Variants in HIP1 observed in about 807,000 individuals in gnomAD.
HIP1 encodes huntingtin interacting protein 1, also known as huntingtin-interacting protein 1.
In HIP1, 65 loss-of-function variants were observed where a neutral mutation model predicts 147.6. The ratio of observed to expected loss-of-function variants is 0.44; its 90% CI spans 0.36 to 0.54. The LOEUF is 0.54. Ranked by LOEUF, HIP1 falls within the 20% of genes least tolerant of loss-of-function variation. The pLI, the probability that HIP1 is intolerant of heterozygous loss-of-function variation, is 0.00. For missense variants in HIP1, 1,061 were observed against 1,299.6 expected, an observed-to-expected ratio of 0.82 and a Z score of 2.82; for synonymous variants, 479 against 504.0, an observed-to-expected ratio of 0.95 and a Z score of 0.67.
At chr7:75,690,126 T>G (rs571248870) in intron 1 of HIP1, among the ~76,000 whole-genome samples, 3 of 152,160 alleles carry the variant, frequency 2.0e-5, no homozygotes, top group Non-Finnish European at 4.4e-5. Flanking sequence ...ATTTTAAAAA[T>G]TAGCTGGGCT....
chr7:75,701,112 C>G (rs1800817119), intron 1 of HIP1, among the ~76,000 whole-genome samples: 1 of 152,120 alleles, frequency 6.6e-6, no homozygotes, highest in Non-Finnish European at 1.5e-5. Context: ...CTACCAAGGT[C>G]AGGCACAGTG....
chr7:75,561,080 G>A (rs976428152), intron 13 of HIP1, among the ~76,000 whole-genome samples: 3 of 151,762 alleles, frequency 2.0e-5, no homozygotes, highest in African/African-American at 7.3e-5. Flanking sequence ...AGCTTCCCGA[G>A]TAGCTGGGAT....
rs1794061904 is a variant in HIP1, at chr7:75,535,808, T to C, written c.*2364A>G. On this transcript the variant is annotated 3_prime_UTR_variant, in exon 31 of 31. Coordinates refer to ENST00000336926, the MANE Select transcript of HIP1 (RefSeq NM_005338.7). Reference sequence around the variant, plus strand: ...CTCACTGCAACCTCTGCCTCTGGGGTTCAGGTGATTCTCCTGTCTCAGCCT... The same window carrying C: ...CTCACTGCAACCTCTGCCTCTGGGGCTCAGGTGATTCTCCTGTCTCAGCCT... The C allele has an allele frequency of 5.9e-6, 1 of 170,724 alleles. No individual in the cohort carries two copies. The highest frequency in any genetic ancestry group is 2.4e-5 in the African/African-American group (1 of 41,932). The allele number at this position is 170,724 out of a possible 1,614,324, so 10.6% of individuals were successfully genotyped here. A position where few individuals can be genotyped will look rare whatever the true frequency, so the allele number is the denominator to read the frequency against.
At chr7:75,728,441 T>C (rs574971000) in intron 1 of HIP1, among the ~76,000 whole-genome samples, 1 of 152,304 alleles carries the variant, frequency 6.6e-6, no homozygotes, top group East Asian at 1.9e-4. Context: ...CTCCAGGTCA[T>C]CAACCCTCCT....
intron 1 of HIP1, among the ~76,000 whole-genome samples, chr7:75,641,494 T>TTG (rs1470081513): frequency 1.9e-4 from 12 of 64,160 alleles, no homozygotes; most frequent in Non-Finnish European, 3.6e-4. Context: ...CCTTGTTTGC[T>TTG]TTTTTTTTTT....
chr7:75,633,033 G>C (rs1798286750), intron 1 of HIP1, among the ~76,000 whole-genome samples: 1 of 152,228 alleles, frequency 6.6e-6, no homozygotes, highest in South Asian at 2.1e-4. Flanking sequence ...GCATCAGGAG[G>C]AATATCTAAT....
At chr7:75,676,969 C>T (rs566879487) in intron 1 of HIP1, among the ~76,000 whole-genome samples, 95 of 151,900 alleles carry the variant, frequency 6.3e-4, no homozygotes, top group African/African-American at 2.2e-3. Context: ...CCAAGGCAGG[C>T]GGATCACCTG....
At chr7:75,693,821 AAAT>A (rs1235505642) in intron 1 of HIP1, among the ~76,000 whole-genome samples, 1 of 152,030 alleles carries the variant, frequency 6.6e-6, no homozygotes, top group African/African-American at 2.4e-5. Flanking sequence ...GAAAGAAAGA[AAAT>A]AAATCACTCC....
At chr7:75,651,796 A>G (rs1277766822) in intron 1 of HIP1, among the ~76,000 whole-genome samples, 1 of 152,166 alleles carries the variant, frequency 6.6e-6, no homozygotes, top group Non-Finnish European at 1.5e-5. Context: ...AATATTATGG[A>G]AAGTATTTAG....
chr7:75,715,851 T>G (rs1801301243), intron 1 of HIP1, among the ~76,000 whole-genome samples: 1 of 143,604 alleles, frequency 7.0e-6, no homozygotes, highest in African/African-American at 2.5e-5. Context: ...GACACTCACA[T>G]CTGCTTAGCT....
chr7:75,586,203 G>GT lies in HIP1; in HGVS notation c.465+549dup, dbSNP rs1414071139. On this transcript the variant is annotated intron_variant, in intron 5 of 30. Transcript: ENST00000336926. ...CCTAGGGTTACTCTTTCTTTTTTTT[G>GT]TTTTTTTTTTTGAGACAGAGTCTCA... Among the ~76,000 whole-genome samples, 1,081 of 143,328 alleles carry GT rather than the reference G, an allele frequency of 7.5e-3. 11 individuals are homozygous for GT. The highest frequency in any genetic ancestry group is 0.023 in the African/African-American group (893 of 39,252). 94.0% of individuals were successfully genotyped at this position (143,328 alleles called of 152,430 possible). A position where few individuals can be genotyped will look rare whatever the true frequency, so the allele number is the denominator to read the frequency against.
Position 75,738,876 on chromosome 7 carries a change from C to T in HIP1, c.45G>A (p.Leu15=). ...ASSMKQVPNP[L]PKVLSRRGVG... is the part of the protein sequence containing the mutation. ...CCCCGCGCCGGCTCAGCACCTTGGGCAGTGGGTTGGGCACCTGCTTCATGG... is the reference window on the plus strand; with the variant it reads ...CCCCGCGCCGGCTCAGCACCTTGGGTAGTGGGTTGGGCACCTGCTTCATGG... Residue 15 remains leucine, a synonymous_variant, in exon 1 of 31, where the codon CTG becomes CTA. Transcript: ENST00000336926. The T allele has an allele frequency of 6.4e-7, 1 of 1,573,540 alleles. No homozygotes were observed. Among genetic ancestry groups the T allele is most frequent in the Non-Finnish European group, 8.6e-7 (1 of 1,161,570 alleles).
intron 1 of HIP1, among the ~76,000 whole-genome samples, chr7:75,605,341 G>A (rs1213081834): frequency 1.3e-5 from 2 of 152,182 alleles, no homozygotes; most frequent in African/African-American, 2.4e-5. Flanking sequence ...AGGGCATGGA[G>A]CATGCAGCCT....
intron 1 of HIP1, among the ~76,000 whole-genome samples, chr7:75,663,438 TG>T (rs1329023125): frequency 6.6e-6 from 1 of 152,106 alleles, no homozygotes; most frequent in African/African-American, 2.4e-5. Flanking sequence ...CACTCCAGCC[TG>T]GGTGACAGAG....
At chr7:75,666,883 T>G (rs1475059458) in intron 1 of HIP1, among the ~76,000 whole-genome samples, 1 of 152,192 alleles carries the variant, frequency 6.6e-6, no homozygotes, top group Non-Finnish European at 1.5e-5. Context: ...CCTTCACCGT[T>G]ATGCGACGCT....
chr7:75,559,617 A>G lies in HIP1; in HGVS notation c.1375+115T>C, dbSNP rs781812859. 121 of 856,470 alleles carry G rather than the reference A, an allele frequency of 1.4e-4. 1 individual carries two copies. The highest frequency in any genetic ancestry group is 3.4e-5 in the African/African-American group (2 of 58,622). The allele number at this position is 856,470 out of a possible 1,614,324, so 53.1% of individuals were successfully genotyped here. On this transcript the variant is annotated intron_variant, in intron 14 of 30. Coordinates refer to ENST00000336926, the MANE Select transcript of HIP1 (RefSeq NM_005338.7). ...AGAGCTGGCATTCCTAGCTGTTTCT[A>G]GAAAGACAGTCTGGGTCTCCCCCAC...
chr7:75,722,153 G>A (rs190757579), intron 1 of HIP1, among the ~76,000 whole-genome samples: 4 of 152,000 alleles, frequency 2.6e-5, no homozygotes, highest in East Asian at 3.9e-4. Context: ...TAAGAAAAAC[G>A]TTCAAAATTA....
At chr7:75,634,955 A>G (rs1162483891) in intron 1 of HIP1, among the ~76,000 whole-genome samples, 5 of 151,142 alleles carry the variant, frequency 3.3e-5, no homozygotes, top group African/African-American at 1.2e-4. Context: ...AAAAAAAAAA[A>G]AAAAAAAAAA....
intron 1 of HIP1, chr7:75,626,024 A>G (rs1166909048): frequency 1.3e-5 from 2 of 152,034 alleles, no homozygotes; most frequent in African/African-American, 4.8e-5. Context: ...AGAAAATGCC[A>G]TCTATGGAAC....
Sources: allele counts gnomAD v4.1 joint callset (sites outside exome capture counted in the v4.1 genomes callset), GRCh38; gene constraint gnomAD v4.1.1; transcripts MANE v1.5; gene names NCBI Gene and HGNC (gene_info 2026-07-23, HGNC 2026-07-21).